Variants in SEC14L6 observed in about 807,000 individuals in gnomAD.
SEC14L6 encodes the protein SEC14 like lipid binding 6.
In SEC14L6, 40 loss-of-function variants were observed where a neutral mutation model predicts 54.1. The observed-to-expected ratio is 0.74, with a 90% CI of 0.57 to 0.96. The LOEUF (loss-of-function observed/expected upper bound fraction) is 0.96, where lower values mean the gene tolerates loss of function less well. SEC14L6 is among the 40% of genes least tolerant of loss of function. The pLI is 0.00. For synonymous variants in SEC14L6, 171 were observed against 198.4 expected, an observed-to-expected ratio of 0.86 and a Z score of 1.16; for missense variants, 471 against 498.3, an observed-to-expected ratio of 0.95 and a Z score of 0.52.
At chr22:30,544,189 T>G in intron 1 of SEC14L6, 1 of 808,458 alleles carries the variant, frequency 1.2e-6, no homozygotes, top group Non-Finnish European at 1.9e-6. Context: ...GCTGGGGCGG[T>G]GCAGGCTCTG....
In SEC14L6 at chr22:30,531,890, G is replaced by A. The variant is rs760452249; in HGVS notation, c.519+13C>T. On this transcript the variant is annotated intron_variant, in intron 6 of 11. Coordinates refer to ENST00000402034, the MANE Select transcript of SEC14L6 (RefSeq NM_001193336.4). Reference sequence around the variant, plus strand: ...TTGACCACCCACCCATGCCCCTGGCGGGGTCACCTCACCTCCTGGAGAAGC... The same window carrying A: ...TTGACCACCCACCCATGCCCCTGGCAGGGTCACCTCACCTCCTGGAGAAGC... 9.7e-6 allele frequency: 15 copies of A among 1,544,686 alleles called. No homozygotes were observed. The African/African-American group carries it at 1.4e-4, about 14-fold the overall frequency.
At position 30,525,054 on chromosome 22, in the gene SEC14L6, G is replaced by A; in HGVS notation, c.1137C>T (p.Tyr379=). 2 of 1,550,214 alleles carry A rather than the reference G, an allele frequency of 1.3e-6. No homozygotes were observed. The highest frequency in any genetic ancestry group is 3.9e-5 in the Admixed American group (2 of 51,004). The change falls in exon 12 of 12, where the codon TAC becomes TAT. Residue 379 remains tyrosine, a synonymous_variant. Coordinates refer to ENST00000402034, the MANE Select transcript of SEC14L6 (RefSeq NM_001193336.4). ...GGTCTGGGAGCAGTACCTCCACGGT[G>A]TAGCTGATGCGTTTAGAATGAACCA... ...YSLVHSKRIS[Y]TVEVLLPDQT...
At chr22:30,527,488 C>T (rs2146244398) in intron 8 of SEC14L6, among the ~76,000 whole-genome samples, 1 of 151,900 alleles carries the variant, frequency 6.6e-6, no homozygotes, top group South Asian at 2.1e-4. Flanking sequence ...GGAAAATGGG[C>T]ACATTCACAC....
intron 5 of SEC14L6, 151 bp downstream of exon 5, chr22:30,532,374 G>A (rs1472469206): frequency 2.1e-5 from 28 of 1,331,584 alleles, no homozygotes; most frequent in Middle Eastern, 2.7e-4. Context: ...GGCCTTGGGT[G>A]GGTCCTTGGC....
chr22:30,525,110 C>T lies in SEC14L6; in HGVS notation c.1082-1G>A. 6.6e-7 allele frequency: 1 copy of T among 1,513,518 alleles called. No homozygotes were observed. The highest frequency in any genetic ancestry group is 9.0e-7 in the Non-Finnish European group (1 of 1,113,286). 93.8% of individuals were successfully genotyped at this position (1,513,518 alleles called of 1,614,324 possible). A position where few individuals can be genotyped will look rare whatever the true frequency, so the allele number is the denominator to read the frequency against. ...TAGGTGTTGTAAAACCTCAGGACAT[C>T]TGCAGTGAGGGACAGACATTCAGAC... On this transcript the variant is annotated splice_acceptor_variant, in intron 11 of 11. Transcript: ENST00000402034. LOFTEE classifies it high-confidence loss of function.
intron 1 of SEC14L6, chr22:30,543,001 C>T (rs2085752403): frequency 2.5e-6 from 4 of 1,602,014 alleles, no homozygotes; most frequent in East Asian, 2.2e-5. Context: ...GCTGTCTGTG[C>T]GTGCCAAACC....
intron 5 of SEC14L6, 149 bp downstream of exon 5, chr22:30,532,376 G>C: frequency 1.5e-6 from 2 of 1,327,218 alleles, no homozygotes; most frequent in Non-Finnish European, 2.0e-6. Flanking sequence ...CCTTGGGTGG[G>C]TCCTTGGCCT....
At position 30,533,983 on chromosome 22, in the gene SEC14L6, G is replaced by T. The variant is rs1449947721; in HGVS notation, c.174+13C>A. 1 of 1,550,156 alleles carries T rather than the reference G, an allele frequency of 6.5e-7. No homozygotes were observed. The highest frequency in any genetic ancestry group is 8.7e-7 in the Non-Finnish European group (1 of 1,146,544). On this transcript the variant is annotated intron_variant, in intron 3 of 11. Coordinates refer to ENST00000402034, the MANE Select transcript of SEC14L6 (RefSeq NM_001193336.4). ...ACAGGACCAGGCTAGGCAGGGGGAGGTGTCAACCTCACCTTCCTCAGCATG... is the reference window on the plus strand; with the variant it reads ...ACAGGACCAGGCTAGGCAGGGGGAGTTGTCAACCTCACCTTCCTCAGCATG...
At chr22:30,539,995 T>A (rs2085670871) in intron 1 of SEC14L6, among the ~76,000 whole-genome samples, 3 of 152,006 alleles carry the variant, frequency 2.0e-5, no homozygotes, top group Non-Finnish European at 2.9e-5. Flanking sequence ...GGACAAAGAG[T>A]CAGCAGGTCC....
At chr22:30,544,943 A>T (rs1399751561) in intron 1 of SEC14L6, among the ~76,000 whole-genome samples, 2 of 152,088 alleles carry the variant, frequency 1.3e-5, no homozygotes, top group Non-Finnish European at 2.9e-5. Flanking sequence ...TGAAAAAAAG[A>T]AAGTCCACTC....
At chr22:30,543,415 C>T in intron 1 of SEC14L6, 1 of 1,606,138 alleles carries the variant, frequency 6.2e-7, no homozygotes, top group Non-Finnish European at 8.5e-7. Context: ...CCCCCAGAGA[C>T]TACAGTTGAC....
intron 6 of SEC14L6, among the ~76,000 whole-genome samples, chr22:30,530,393 C>T (rs574884458): frequency 7.6e-4 from 116 of 152,088 alleles, no homozygotes; most frequent in African/African-American, 2.7e-3. Context: ...AGTGAGACTC[C>T]GTCTCAAAAA....
At chr22:30,532,757 A>T (rs758879637) in intron 4 of SEC14L6, 40 bp downstream of exon 4, 136 of 1,604,162 alleles carry the variant, frequency 8.5e-5, no homozygotes, top group Non-Finnish European at 1.1e-4. Flanking sequence ...CCGAGGGCTG[A>T]GGGCCCAGGG....
chr22:30,526,247 C>T (rs1936776216), intron 8 of SEC14L6, among the ~76,000 whole-genome samples: 1 of 152,242 alleles, frequency 6.6e-6, no homozygotes, highest in South Asian at 2.1e-4. Context: ...CTCGGACCAG[C>T]AACTCCTGGA....
In SEC14L6 at chr22:30,524,740, T is replaced by G; in HGVS notation, c.*257A>C. 8.1e-6 allele frequency: 3 copies of G among 370,406 alleles called. No homozygotes were observed. Among genetic ancestry groups the G allele is most frequent in the Admixed American group, 4.0e-5 (1 of 24,918 alleles). The allele number at this position is 370,406 out of a possible 1,614,324, so 22.9% of individuals were successfully genotyped here. A position where few individuals can be genotyped will look rare whatever the true frequency, so the allele number is the denominator to read the frequency against. ...TTGGTTGATAGAAAAAAGCCTGGGGTTTTTGCTGAGCTTGAGGTCACAGCA... is the reference window on the plus strand; with the variant it reads ...TTGGTTGATAGAAAAAAGCCTGGGGGTTTTGCTGAGCTTGAGGTCACAGCA... On this transcript the variant is annotated 3_prime_UTR_variant, in exon 12 of 12. Coordinates refer to ENST00000402034, the MANE Select transcript of SEC14L6 (RefSeq NM_001193336.4).
intron 1 of SEC14L6, chr22:30,542,693 A>T: frequency 1.3e-6 from 2 of 1,547,558 alleles, no homozygotes; most frequent in South Asian, 1.2e-5. Context: ...CAGCCTGAGA[A>T]GTCTGTATCA....
chr22:30,528,272 C>T (rs1936845934), intron 8 of SEC14L6, among the ~76,000 whole-genome samples: 1 of 151,676 alleles, frequency 6.6e-6, no homozygotes, highest in Non-Finnish European at 1.5e-5. Context: ...CAGGCTCCTG[C>T]CACCACGCCC....
rs1260943628 is a variant in SEC14L6, at chr22:30,525,704, T to G, written c.818A>C (p.Gln273Pro). The G allele has an allele frequency of 6.2e-7, 1 of 1,613,878 alleles. No homozygotes were observed. Reference sequence around the variant, plus strand: ...CGTGTGCTCATACTGCAGCCTCACCTGCTTGCACAGGTAGTAGCTCTTGGG... The same window carrying G: ...CGTGTGCTCATACTGCAGCCTCACCGGCTTGCACAGGTAGTAGCTCTTGGG... ...EVPKSYYLCK[Q>P]VRLQYEHTRS... is the part of the protein sequence containing the mutation. Residue 273 changes from glutamine to proline, a missense_variant, in exon 10 of 12, where the codon CAG (glutamine) becomes CCG (proline). Coordinates refer to ENST00000402034, the MANE Select transcript of SEC14L6 (RefSeq NM_001193336.4).
At chr22:30,535,107 T>C (rs537301549) in intron 2 of SEC14L6, among the ~76,000 whole-genome samples, 1 of 152,372 alleles carries the variant, frequency 6.6e-6, no homozygotes, top group East Asian at 1.9e-4. Flanking sequence ...GGGTGATTTA[T>C]AGAAATATCA....
Sources: gnomAD v4.1 joint callset for allele counts (sites outside exome capture counted in the v4.1 genomes callset) on GRCh38, gnomAD v4.1.1 for gene constraint, MANE v1.5 for transcripts, NCBI Gene and HGNC (gene_info 2026-07-23, HGNC 2026-07-21) for gene names.